Variants in KAZN observed in about 807,000 individuals in gnomAD.
KAZN encodes kazrin, periplakin interacting protein, also known as kazrin.
Under a neutral mutation model 87.4 loss-of-function variants are expected in KAZN, and 40 were observed. That is an observed-to-expected ratio of 0.46 (90% CI 0.36 to 0.60). KAZN has a LOEUF of 0.60. KAZN is among the 20% of genes least tolerant of loss of function. The pLI is 0.00. For synonymous variants in KAZN, 466 were observed against 458.3 expected (o/e 1.02, Z -0.22); for missense variants, 898 against 1,073.9 (o/e 0.84, Z 2.29).
At chr1:14,251,973 G>A (rs1401351453) in intron 2 of KAZN, among the ~76,000 whole-genome samples, 1 of 152,016 alleles carries the variant, frequency 6.6e-6, no homozygotes, top group African/African-American at 2.4e-5. Context: ...TGGGGAGCTT[G>A]TGAAGGTGAA....
intron 1 of KAZN, among the ~76,000 whole-genome samples, chr1:14,867,724 A>ACCCCCCCC (rs1553148134): frequency 3.1e-3 from 337 of 107,466 alleles, no homozygotes; most frequent in Non-Finnish European, 3.6e-3. Context: ...CTTTGAAGAC[A>ACCCCCCCC]CCCCCCCCCC....
chr1:14,980,127 G>A (rs1350384540), intron 2 of KAZN, among the ~76,000 whole-genome samples: 1 of 152,122 alleles, frequency 6.6e-6, no homozygotes, highest in African/African-American at 2.4e-5. Context: ...GACCTCAGGT[G>A]ATCTGCCCAC....
chr1:14,447,130 C>T (rs1667023521), intron 2 of KAZN, among the ~76,000 whole-genome samples: 1 of 151,742 alleles, frequency 6.6e-6, no homozygotes. Context: ...TTATATTTAG[C>T]TAAAGCCAGA....
intron 1 of KAZN, among the ~76,000 whole-genome samples, chr1:14,902,365 A>AC (rs1656023858): frequency 6.6e-6 from 1 of 151,890 alleles, no homozygotes; most frequent in Non-Finnish European, 1.5e-5. Flanking sequence ...AGCTGGGACT[A>AC]TAGGCACCCG....
chr1:14,420,188 G>A (rs1233682118), intron 2 of KAZN, among the ~76,000 whole-genome samples: 4 of 152,094 alleles, frequency 2.6e-5, no homozygotes, highest in African/African-American at 9.7e-5. Context: ...GCGCTGATTG[G>A]TGCGTTTACA....
At chr1:14,024,161 A>G (rs1325178588) in intron 1 of KAZN, among the ~76,000 whole-genome samples, 1 of 152,224 alleles carries the variant, frequency 6.6e-6, no homozygotes. Flanking sequence ...CTGGTGACCC[A>G]GAAAAAGTTC....
chr1:14,479,848 G>T (rs1260508038), intron 2 of KAZN, among the ~76,000 whole-genome samples: 2 of 152,152 alleles, frequency 1.3e-5, no homozygotes, highest in South Asian at 2.1e-4. Context: ...ACTTCAGCAG[G>T]TGTCTCTATT....
In KAZN at chr1:14,467,063, T is replaced by C. The variant is rs567265513; in HGVS notation, c.250-131920T>C. 6.6e-5 allele frequency among the ~76,000 whole-genome samples: 10 copies of C among 152,292 alleles called. No homozygotes were observed. The East Asian group carries it at 1.7e-3, about 26-fold the overall frequency. On this transcript the variant is annotated intron_variant, in intron 2 of 16. Coordinates refer to the KAZN transcript ENST00000636203. ...GTAAACATAAAAGACAGTATAAATA[T>C]ATTTTTGTAATTCCTTCTATCTGAT...
intron 2 of KAZN, among the ~76,000 whole-genome samples, chr1:14,388,025 T>C (rs1275465335): frequency 1.3e-5 from 2 of 152,198 alleles, no homozygotes; most frequent in Non-Finnish European, 2.9e-5. Flanking sequence ...GGTGTGCCGT[T>C]TTTTAAGCCC....
chr1:14,150,247 G>A (rs1316317105), intron 1 of KAZN, among the ~76,000 whole-genome samples: 1 of 152,188 alleles, frequency 6.6e-6, no homozygotes, highest in Non-Finnish European at 1.5e-5. Flanking sequence ...TTGGTTAATG[G>A]TTTGCACAGA....
intron 2 of KAZN, among the ~76,000 whole-genome samples, chr1:14,392,207 A>G (rs1571501156): frequency 6.6e-6 from 1 of 152,204 alleles, no homozygotes; most frequent in African/African-American, 2.4e-5. Context: ...GAAGACCACA[A>G]AATTATTAAG....
intron 1 of KAZN, among the ~76,000 whole-genome samples, chr1:14,880,029 C>T (rs1262699863): frequency 6.6e-6 from 1 of 152,166 alleles, no homozygotes; most frequent in Non-Finnish European, 1.5e-5. Flanking sequence ...TTCTCAGACA[C>T]ATGCTCACTG....
chr1:14,334,728 G>C (rs1468402840), intron 2 of KAZN, among the ~76,000 whole-genome samples: 2 of 152,232 alleles, frequency 1.3e-5, no homozygotes, highest in African/African-American at 4.8e-5. Flanking sequence ...TCAGGTGACT[G>C]TTGGCAGAAG....
At chr1:14,057,176 C>G (rs1642606691) in intron 1 of KAZN, among the ~76,000 whole-genome samples, 1 of 139,426 alleles carries the variant, frequency 7.2e-6, no homozygotes, top group South Asian at 2.3e-4. Flanking sequence ...ACTCTGTTTT[C>G]TAGGCTGGAG....
In KAZN at chr1:13,980,783, T is replaced by G. The variant is rs940716792; in HGVS notation, c.91+87027T>G. 5.3e-5 allele frequency among the ~76,000 whole-genome samples: 8 copies of G among 152,250 alleles called. No individual in the cohort carries two copies. The South Asian group carries it at 6.2e-4, about 12-fold the overall frequency. On this transcript the variant is annotated intron_variant, in intron 1 of 16. Transcript: ENST00000636203. ...GACAGCAGTTGGAGCTTGGCTCACCTTGAAGCCTTCTTCACTTCCATGTCT... is the reference window on the plus strand; with the variant it reads ...GACAGCAGTTGGAGCTTGGCTCACCGTGAAGCCTTCTTCACTTCCATGTCT...
chr1:15,094,501 G>A lies in KAZN; in HGVS notation c.1428+116G>A, dbSNP rs569003895. 1 of 960,260 alleles carries A rather than the reference G, an allele frequency of 1.0e-6. No homozygotes were observed. Among genetic ancestry groups the A allele is most frequent in the Non-Finnish European group, 1.6e-6 (1 of 642,256 alleles). The allele number at this position is 960,260 out of a possible 1,614,324, so 59.5% of individuals were successfully genotyped here. A position where few individuals can be genotyped will look rare whatever the true frequency, so the allele number is the denominator to read the frequency against. ...TGGAGTCAGGAGAAGGTGCAATCTA[G>A]GAGCTAGCCAATGCAATCAGCCTCT... On this transcript the variant is annotated intron_variant, in intron 9 of 14. Transcript: ENST00000376030. The surrounding 1 kb of genome is among the most constrained non-coding windows in gnomAD (Gnocchi z 4.5).
intron 2 of KAZN, among the ~76,000 whole-genome samples, chr1:14,499,111 A>C (rs1670104544): frequency 6.6e-6 from 1 of 152,116 alleles, no homozygotes; most frequent in Non-Finnish European, 1.5e-5. Context: ...AGGAATCTGT[A>C]AATATTTGGT....
intron 2 of KAZN, among the ~76,000 whole-genome samples, chr1:14,416,370 G>GTT (rs1664760252): frequency 6.6e-6 from 1 of 152,172 alleles, no homozygotes; most frequent in African/African-American, 2.4e-5. Context: ...ACAGAATCAA[G>GTT]TAACAGTTGG....
chr1:15,090,927 T>A (rs1640504981), intron 8 of KAZN, among the ~76,000 whole-genome samples: 1 of 152,162 alleles, frequency 6.6e-6, no homozygotes, highest in African/African-American at 2.4e-5. Context: ...GGTCACCAGG[T>A]GGATACAGTC....
Sources: allele counts gnomAD v4.1 joint callset (sites outside exome capture counted in the v4.1 genomes callset), GRCh38; gene constraint gnomAD v4.1.1; non-coding constraint Gnocchi (gnomAD v3.1); transcripts MANE v1.5; gene names NCBI Gene and HGNC (gene_info 2026-07-23, HGNC 2026-07-21).